The following FER1L5 variants were observed in gnomAD, a reference collection of about 807,000 sequenced individuals.
FER1L5 encodes the protein fer-1 like family member 5, also known as fer-1-like protein 5.
Under a neutral mutation model 279.9 loss-of-function variants are expected in FER1L5, and 187 were observed. That is an observed-to-expected ratio of 0.67 (90% CI 0.59 to 0.75). The LOEUF (loss-of-function observed/expected upper bound fraction) is 0.75. Ranked by LOEUF, FER1L5 falls within the 30% of genes least tolerant of loss-of-function variation. FER1L5 has a pLI of 0.00. For synonymous variants in FER1L5, 921 were observed against 989.7 expected, an observed-to-expected ratio of 0.93 and a Z score of 1.30; for missense variants, 2,091 against 2,594.4, an observed-to-expected ratio of 0.81 and a Z score of 4.21.
At position 96,704,672 on chromosome 2, in the gene FER1L5, C is replaced by T. The variant is rs773413339; in HGVS notation, c.6154C>T (p.Leu2052Phe). 4 of 1,614,018 alleles carry T rather than the reference C, an allele frequency of 2.5e-6. No individual in the cohort carries two copies. In the East Asian group the frequency reaches 8.9e-5, roughly 36 times the overall value. ...TCACCTGAGTGATATTTTCCCAGAACTTCCAGCCCCAGGAGACTAATTAGT... is the reference window on the plus strand; with the variant it reads ...TCACCTGAGTGATATTTTCCCAGAATTTCCAGCCCCAGGAGACTAATTAGT... ...TNHLSDIFPE[L>F]PAPGD The change falls in exon 53 of 53, where the codon CTT becomes TTT. Residue 2052 changes from leucine to phenylalanine, a missense_variant. Transcript: ENST00000624922.
intron 19 of FER1L5, among the ~76,000 whole-genome samples, chr2:96,678,672 A>G (rs1278224524): frequency 2.6e-5 from 4 of 151,930 alleles, no homozygotes; most frequent in African/African-American, 7.3e-5. Context: ...GGCTCAAGCA[A>G]TCCACCCACC....
In FER1L5 at chr2:96,646,466, G is replaced by T; in HGVS notation, c.138+13G>T. The T allele has an allele frequency of 6.4e-7, 1 of 1,551,620 alleles. No homozygotes were observed. Among genetic ancestry groups the T allele is most frequent in the Non-Finnish European group, 8.7e-7 (1 of 1,146,828 alleles). ...CGTGTGGAATGAGGTAGACAACAGG[G>T]CAAGCCCAGAAGAGGAAATAACAAC... On this transcript the variant is annotated intron_variant, in intron 2 of 52. Transcript: ENST00000624922.
At chr2:96,647,713 C>G (rs749949) in intron 3 of FER1L5, 65 bp from the exon 4 acceptor site, 353,843 of 1,216,520 alleles carry the variant, frequency 0.29, 62,109 homozygotes, top group South Asian at 0.66. Context: ...AAAGCCCTGC[C>G]CGGGAGAGAA....
At chr2:96,704,432 T>G (rs2077711643) in intron 52 of FER1L5, 36 bp from the exon 53 acceptor site, 1 of 1,612,848 alleles carries the variant, frequency 6.2e-7, no homozygotes, top group Admixed American at 1.7e-5. Flanking sequence ...GTCTTCAGCT[T>G]GCCACCCCAG....
intron 14 of FER1L5, among the ~76,000 whole-genome samples, chr2:96,664,804 AC>A (rs1275706024): frequency 6.6e-6 from 1 of 152,246 alleles, no homozygotes; most frequent in Non-Finnish European, 1.5e-5. Context: ...ACATATAAAA[AC>A]AAAACAAATC....
At chr2:96,692,257 G>C in intron 31 of FER1L5, 76 bp downstream of exon 31, 1 of 1,478,304 alleles carries the variant, frequency 6.8e-7, no homozygotes, top group South Asian at 1.2e-5. Context: ...TCCTGCAGCA[G>C]CCAAGGCAGC....
chr2:96,690,424 G>A (rs2077096748), intron 26 of FER1L5, 63 bp from the exon 27 acceptor site: 1 of 1,453,894 alleles, frequency 6.9e-7, no homozygotes. Flanking sequence ...GTGGGAAGAG[G>A]GAGGGAGGGC....
chr2:96,704,773 CT>C lies in FER1L5; in HGVS notation c.*82del. 9.4e-7 allele frequency: 1 copy of C among 1,062,984 alleles called. No individual in the cohort carries two copies. Among genetic ancestry groups the C allele is most frequent in the Non-Finnish European group, 1.4e-6 (1 of 702,918 alleles). The allele number at this position is 1,062,984 out of a possible 1,614,324, so 65.8% of individuals were successfully genotyped here. A position where few individuals can be genotyped will look rare whatever the true frequency, so the allele number is the denominator to read the frequency against. ...GCTACCAGTTCTTTGTTTCTATCTT[CT>C]AGAATATATGCAAGATGCTAGGAAT... is the stretch of plus-strand genomic sequence containing the variant. On this transcript the variant is annotated 3_prime_UTR_variant, in exon 53 of 53. Coordinates refer to ENST00000624922, the MANE Select transcript of FER1L5 (RefSeq NM_001293083.2).
In FER1L5 at chr2:96,685,316, T is replaced by C; in HGVS notation, c.1795-13T>C. On this transcript the variant is annotated splice_polypyrimidine_tract_variant and intron_variant, in intron 20 of 52. Transcript: ENST00000624922. ...GAGGCGGGCTCTCTCACCATTTCTC[T>C]CCTGCTGGGCAGAAAGCCAACCTGG... 1 of 1,550,912 alleles carries C rather than the reference T, an allele frequency of 6.4e-7. No individual in the cohort carries two copies. The highest frequency in any genetic ancestry group is 8.7e-7 in the Non-Finnish European group (1 of 1,146,590).
chr2:96,659,292 T>G (rs149167594), intron 9 of FER1L5, among the ~76,000 whole-genome samples: 1,113 of 19,714 alleles, frequency 0.056, 69 homozygotes, highest in East Asian at 0.14. Context: ...TATCAAGCTT[T>G]CCTTCCTTCC....
chr2:96,654,173 C>T (rs913503472), intron 8 of FER1L5: 7 of 331,120 alleles, frequency 2.1e-5, no homozygotes, highest in Non-Finnish European at 3.8e-5. Context: ...TAATGGATAA[C>T]GTTGAGTGCA....
In FER1L5 at chr2:96,662,259, G is replaced by T; in HGVS notation, c.1063G>T (p.Gly355Trp). Reference sequence around the variant, plus strand: ...TCCTCAGTTGGAGGTGGAACTAATTGGGGAAAAGGTAAGTGTAGAAATATT... The same window carrying T: ...TCCTCAGTTGGAGGTGGAACTAATTTGGGAAAAGGTAAGTGTAGAAATATT... ...VNPQLEVELIGEKLRTHMQTQ... is the reference protein window; with the variant it reads ...VNPQLEVELIWEKLRTHMQTQ... The change falls in exon 13 of 53, where the codon GGG becomes TGG. Residue 355 changes from glycine (G) to tryptophan (W), a missense_variant. Gly to Trp is a radical substitution (Grantham distance 184). Transcript: ENST00000624922. The T allele has an allele frequency of 6.4e-7, 1 of 1,551,506 alleles. No homozygotes were observed. Among genetic ancestry groups the T allele is most frequent in the South Asian group, 1.2e-5 (1 of 84,034 alleles).
intron 19 of FER1L5, among the ~76,000 whole-genome samples, chr2:96,683,760 T>G (rs554024870): frequency 6.6e-6 from 1 of 152,232 alleles, no homozygotes; most frequent in Admixed American, 6.5e-5. Context: ...ATTTTCTGCA[T>G]GTTAAATGTT....
chr2:96,665,668 G>A (rs1479295962), intron 14 of FER1L5, among the ~76,000 whole-genome samples: 1 of 151,220 alleles, frequency 6.6e-6, no homozygotes, highest in South Asian at 2.1e-4. Flanking sequence ...GCAATGGCGC[G>A]ATCTCGGCTC....
chr2:96,650,250 T>C lies in FER1L5; in HGVS notation c.465T>C (p.Thr155=). The C allele has an allele frequency of 6.4e-7, 1 of 1,551,746 alleles. No homozygotes were observed. Among genetic ancestry groups the C allele is most frequent in the East Asian group, 2.4e-5 (1 of 40,916 alleles). The change falls in exon 6 of 53, where the codon ACT becomes ACC. Residue 155 remains threonine (T), a synonymous_variant. Coordinates refer to ENST00000624922, the MANE Select transcript of FER1L5 (RefSeq NM_001293083.2). The part of the protein sequence containing the change: ...ASQKLMVPGS[T]AHRALSSKPQ... ...AGAAACTGATGGTCCCTGGCTCCAC[T>C]GCGCACAGGGCTCTGTCCTCAAAGC...
intron 9 of FER1L5, among the ~76,000 whole-genome samples, chr2:96,656,593 G>A (rs2075609080): frequency 6.6e-6 from 1 of 152,146 alleles, no homozygotes; most frequent in African/African-American, 2.4e-5. Context: ...TTTTGCCACT[G>A]CACTCCAGTC....
chr2:96,699,217 T>G, intron 42 of FER1L5, 81 bp downstream of exon 42: 1 of 1,405,948 alleles, frequency 7.1e-7, no homozygotes, highest in Non-Finnish European at 9.8e-7. Flanking sequence ...GGCACAGAAC[T>G]CTGGCACTCC....
chr2:96,680,282 A>G (rs114891533), intron 19 of FER1L5, among the ~76,000 whole-genome samples: 7,228 of 151,894 alleles, frequency 0.048, 243 homozygotes, highest in Non-Finnish European at 0.072. Context: ...CCAGGCATGC[A>G]TCTCTGCTTA....
intron 51 of FER1L5, 41 bp from the exon 52 acceptor site, chr2:96,704,174 T>C: frequency 6.2e-7 from 1 of 1,606,298 alleles, no homozygotes; most frequent in East Asian, 2.2e-5. Flanking sequence ...ACCTGAAGGT[T>C]CTCCCTGCCA....
Sources: allele counts gnomAD v4.1 joint callset (sites outside exome capture counted in the v4.1 genomes callset), GRCh38; gene constraint gnomAD v4.1.1; transcripts MANE v1.5; gene names NCBI Gene and HGNC (gene_info 2026-07-23, HGNC 2026-07-21).